C16orf96: variants seen among roughly 807,000 people sequenced by gnomAD.
C16orf96 encodes the protein uncharacterized protein C16orf96.
Under a neutral mutation model 103.6 loss-of-function variants are expected in C16orf96, and 108 were observed. The observed-to-expected ratio is 1.04, with a 90% confidence interval of 0.89 to 1.22. The LOEUF (loss-of-function observed/expected upper bound fraction) is 1.22, where lower values mean the gene tolerates loss of function less well. Among genes scored for constraint, C16orf96 ranks in the 50% most tolerant of loss-of-function variants. C16orf96 has a pLI of 0.00. For missense variants in C16orf96, 1,586 were observed against 1,464.2 expected, an observed-to-expected ratio of 1.08 and a Z score of -1.36; for synonymous variants, 566 against 593.5, an observed-to-expected ratio of 0.95 and a Z score of 0.67.
chr16:4,581,948 A>G (rs1017633817), intron 7 of C16orf96, among the ~76,000 whole-genome samples: 2 of 151,800 alleles, frequency 1.3e-5, no homozygotes, highest in African/African-American at 4.8e-5. Flanking sequence ...CAGAAAGACC[A>G]TCTCAAAAAA....
rs565337791 is a variant in C16orf96 at position 4,570,299 on chromosome 16, A to G, written c.421-1262A>G. ...AACCCTGCAATGCAGCGAGCAACCAACGTGCTTTTCAGTTACACTTTCAGT... is the reference window on the plus strand; with the variant it reads ...AACCCTGCAATGCAGCGAGCAACCAGCGTGCTTTTCAGTTACACTTTCAGT... On this transcript the variant is annotated intron_variant, in intron 1 of 15. Coordinates refer to ENST00000444310, the MANE Select transcript of C16orf96 (RefSeq NM_001145011.2). Among the ~76,000 whole-genome samples the G allele has an allele frequency of 2.4e-4, 37 of 152,076 alleles. No homozygotes were observed. In the East Asian group the frequency reaches 6.4e-3, roughly 26 times the overall value.
chr16:4,568,210 G>C (rs1172902539), intron 1 of C16orf96, among the ~76,000 whole-genome samples: 1 of 151,996 alleles, frequency 6.6e-6, no homozygotes, highest in Non-Finnish European at 1.5e-5. Flanking sequence ...GGCCTCTTCT[G>C]TTGCTTTCTA....
chr16:4,541,023 C>T, the C16orf96 span, among the ~76,000 whole-genome samples: 1 of 151,806 alleles, frequency 6.6e-6, no homozygotes, highest in African/African-American at 2.4e-5. Context: ...AAGCAATTCT[C>T]CTGCCTCAGC....
intron 1 of C16orf96, among the ~76,000 whole-genome samples, chr16:4,557,794 C>T (rs564754313): frequency 5.3e-5 from 8 of 152,202 alleles, no homozygotes; most frequent in Non-Finnish European, 7.4e-5. Flanking sequence ...CTCAACCTCC[C>T]GAGTAACTGG....
Position 4,600,500 on chromosome 16 carries a change from T to TCCCC in C16orf96, c.*186_*187insCCCC, listed in dbSNP as rs1567140134. 5 of 398,610 alleles carry TCCCC rather than the reference T, an allele frequency of 1.3e-5. No individual in the cohort carries two copies. Among genetic ancestry groups the TCCCC allele is most frequent in the Non-Finnish European group, 1.3e-5 (3 of 229,626 alleles). 24.7% of individuals were successfully genotyped at this position (398,610 alleles called of 1,614,324 possible). On this transcript the variant is annotated 3_prime_UTR_variant, in exon 16 of 16. Coordinates refer to ENST00000444310, the MANE Select transcript of C16orf96 (RefSeq NM_001145011.2). ...GCTGAGGCTCATGCGCCCCCCCCCA[T>TCCCC]CCCTACCAAGTCCCCTCCACGTCCG...
At chr16:4,539,295 A>G in the C16orf96 span, among the ~76,000 whole-genome samples, 1 of 152,218 alleles carries the variant, frequency 6.6e-6, no homozygotes, top group African/African-American at 2.4e-5. Context: ...TATTGAAACA[A>G]AGATAGTTAA....
At position 4,600,491 on chromosome 16, in the gene C16orf96, C is replaced by T. The variant is rs1198656675; in HGVS notation, c.*174C>T. The T allele has an allele frequency of 2.1e-5, 10 of 473,170 alleles. 1 individual carries two copies. Among genetic ancestry groups the T allele is most frequent in the African/African-American group, 1.8e-4 (8 of 43,960 alleles). The allele number at this position is 473,170 out of a possible 1,614,324, so 29.3% of individuals were successfully genotyped here. A position where few individuals can be genotyped will look rare whatever the true frequency, so the allele number is the denominator to read the frequency against. ...ATGTCCGAGGCTGAGGCTCATGCGC[C>T]CCCCCCCATCCCTACCAAGTCCCCT... On this transcript the variant is annotated 3_prime_UTR_variant, in exon 16 of 16. Coordinates refer to ENST00000444310, the MANE Select transcript of C16orf96 (RefSeq NM_001145011.2).
In C16orf96 at chr16:4,594,465, G is replaced by C. The variant is rs1897127143; in HGVS notation, c.2982G>C (p.Leu994Phe). 2 of 1,551,532 alleles carry C rather than the reference G, an allele frequency of 1.3e-6. No homozygotes were observed. Among genetic ancestry groups the C allele is most frequent in the Non-Finnish European group, 1.7e-6 (2 of 1,146,994 alleles). ...TSLKCKSCNL[L>F]TLYPYGDPHV... is the part of the protein sequence containing the mutation. ...TCAAGTGCAAGTCCTGCAACCTGTT[G>C]ACGCTCTATCCCTACGGGGATCCCC... Residue 994 changes from leucine (L) to phenylalanine (F), a missense_variant, in exon 13 of 16, where the codon TTG (leucine) becomes TTC (phenylalanine). Leu to Phe is a conservative substitution (Grantham distance 22). Transcript: ENST00000444310.
chr16:4,591,041 G>A (rs530180353), intron 9 of C16orf96, among the ~76,000 whole-genome samples: 96 of 150,818 alleles, frequency 6.4e-4, no homozygotes, highest in African/African-American at 2.3e-3. Context: ...TCAAAAAAAA[G>A]CCAGGTGTGG....
chr16:4,588,985 T>C (rs764144289), intron 9 of C16orf96, among the ~76,000 whole-genome samples: 6 of 152,108 alleles, frequency 3.9e-5, no homozygotes, highest in African/African-American at 7.2e-5. Flanking sequence ...CAGTCTACTA[T>C]GAGGAAGGGG....
intron 2 of C16orf96, 103 bp from the exon 3 acceptor site, chr16:4,574,606 C>A: frequency 1.1e-6 from 1 of 876,464 alleles, no homozygotes; most frequent in South Asian, 1.6e-5. Context: ...GGATTTGGAA[C>A]CCGTTCTTCC....
rs1385123684 is a variant in C16orf96, at chr16:4,575,241, A to G, written c.761A>G (p.Gln254Arg). 13 of 1,548,842 alleles carry G rather than the reference A, an allele frequency of 8.4e-6. 1 individual carries two copies. The Admixed American group carries it at 2.6e-4, about 30-fold the overall frequency. Residue 254 changes from glutamine to arginine, a missense_variant, in exon 5 of 16, where the codon CAG becomes CGG. Transcript: ENST00000444310. Reference sequence around the variant, plus strand: ...CAGCTCCCAGAGGCTGCCCTGGCCCAGACCACCAAGTACCTTGAAGCTACT... The same window carrying G: ...CAGCTCCCAGAGGCTGCCCTGGCCCGGACCACCAAGTACCTTGAAGCTACT... ...VEQLPEAALAQTTKYLEATRA... is the reference protein window; with the variant it reads ...VEQLPEAALARTTKYLEATRA...
Position 4,588,340 on chromosome 16 carries a change from C to A in C16orf96, c.2592+9C>A, listed in dbSNP as rs1011129011. 37 of 1,541,632 alleles carry A rather than the reference C, an allele frequency of 2.4e-5. No homozygotes were observed. The highest frequency in any genetic ancestry group is 3.2e-5 in the Non-Finnish European group (37 of 1,139,348). On this transcript the variant is annotated intron_variant, in intron 9 of 15. Transcript: ENST00000444310. ...AGGACGTGAACACCAAGGTGAATGC[C>A]CCCATGTTGATTTTCACTTTATTCC...
Position 4,593,120 on chromosome 16 carries a change from C to T in C16orf96, c.2775-104C>T, listed in dbSNP as rs894673391. ...CGAGGGTGGTGACCTGAGTCTGCAC[C>T]TCCTTCCTCCTGCTGGGAAGGCTTC... is the stretch of plus-strand genomic sequence containing the variant. On this transcript the variant is annotated intron_variant, in intron 11 of 15. Transcript: ENST00000444310. The surrounding 1 kb of genome is among the most constrained non-coding windows in gnomAD (Gnocchi z 4.2). The T allele has an allele frequency of 9.6e-5, 109 of 1,129,678 alleles. No homozygotes were observed. The highest frequency in any genetic ancestry group is 2.0e-5 in the Admixed American group (1 of 49,340). The allele number at this position is 1,129,678 out of a possible 1,614,324, so 70.0% of individuals were successfully genotyped here.
At position 4,592,351 on chromosome 16, in the gene C16orf96, G is replaced by C. The variant is rs1369753484; in HGVS notation, c.2758G>C (p.Glu920Gln). ...GTGCATCTCCTGTGACCGGCCTGTG[G>C]AGATGATGACTGGCCCGTGAGTACC... ...VKCISCDRPVEMMTGPQLITI... is the reference protein window; with the variant it reads ...VKCISCDRPVQMMTGPQLITI... The change falls in exon 11 of 16, where the codon GAG becomes CAG. Residue 920 changes from glutamate to glutamine, a missense_variant. Glu to Gln is a conservative substitution (Grantham distance 29, BLOSUM62 2). Coordinates refer to ENST00000444310, the MANE Select transcript of C16orf96 (RefSeq NM_001145011.2). The C allele has an allele frequency of 6.4e-7, 1 of 1,551,688 alleles. No homozygotes were observed. The highest frequency in any genetic ancestry group is 8.7e-7 in the Non-Finnish European group (1 of 1,146,990).
Position 4,588,155 on chromosome 16 carries a change from C to T in C16orf96, c.2428-12C>T. The T allele has an allele frequency of 6.5e-7, 1 of 1,549,560 alleles. No individual in the cohort carries two copies. The highest frequency in any genetic ancestry group is 8.7e-7 in the Non-Finnish European group (1 of 1,146,022). On this transcript the variant is annotated splice_polypyrimidine_tract_variant and intron_variant, in intron 8 of 15. Transcript: ENST00000444310. Reference sequence around the variant, plus strand: ...CAGCAGCCATGCCTCCCTGAACTCCCTGTCTCCCTAGAAAGCTGACAGGAG... The same window carrying T: ...CAGCAGCCATGCCTCCCTGAACTCCTTGTCTCCCTAGAAAGCTGACAGGAG...
intron 14 of C16orf96, 120 bp downstream of exon 14, chr16:4,594,923 C>T (rs1897140283): frequency 5.6e-6 from 6 of 1,072,246 alleles, no homozygotes; most frequent in Non-Finnish European, 6.7e-6. Flanking sequence ...AGTCCTCACA[C>T]AGTCAGTCAC....
chr16:4,594,713 G>A lies in C16orf96; in HGVS notation c.3037G>A (p.Asp1013Asn). Residue 1013 changes from aspartate (D) to asparagine (N), a missense_variant, in exon 14 of 16, where the codon GAC becomes AAC. Physicochemically the swap from Asp to Asn is conservative, Grantham distance 23. Transcript: ENST00000444310. ...CTGGGCCATCCAACAGGCCGAGGTG[G>A]ACATCCTGGGCGTGGATGGGATCCT... is the stretch of plus-strand genomic sequence containing the variant. The part of the protein sequence containing the change: ...HVIDYDSAEV[D>N]ILGVDGILYK... The A allele has an allele frequency of 6.4e-7, 1 of 1,551,306 alleles. No individual in the cohort carries two copies. Among genetic ancestry groups the A allele is most frequent in the Non-Finnish European group, 8.7e-7 (1 of 1,146,952 alleles).
At chr16:4,577,590 G>T (rs796343687) in intron 5 of C16orf96, among the ~76,000 whole-genome samples, 5 of 151,536 alleles carry the variant, frequency 3.3e-5, no homozygotes, top group African/African-American at 4.9e-5. Flanking sequence ...GGCGAAGCTT[G>T]CAGTGAGCCG....
Sources: gnomAD v4.1 joint callset for allele counts (sites outside exome capture counted in the v4.1 genomes callset) on GRCh38, gnomAD v4.1.1 for gene constraint, Gnocchi (gnomAD v3.1) non-coding constraint, MANE v1.5 for transcripts, NCBI Gene and HGNC (gene_info 2026-07-23, HGNC 2026-07-21) for gene names.